The following RANBP3 variants were observed in gnomAD, a reference collection of about 807,000 sequenced individuals.
RANBP3 encodes ran-binding protein 3.
Under a neutral mutation model 77.3 loss-of-function variants are expected in RANBP3, and 14 were observed. The observed-to-expected ratio is 0.18, with a 90% CI of 0.12 to 0.28. The LOEUF is 0.28. Among genes scored for constraint, RANBP3 ranks in the 10% least tolerant of loss-of-function variants. The pLI, the probability that RANBP3 is intolerant of heterozygous loss-of-function variation, is 1.00. For missense variants in RANBP3, 586 were observed against 752.3 expected (o/e 0.78, Z 2.59); for synonymous variants, 315 against 312.4 (o/e 1.01, Z -0.09).
At chr19:5,974,785 C>A (rs2058570328) in intron 1 of RANBP3, among the ~76,000 whole-genome samples, 1 of 152,168 alleles carries the variant, frequency 6.6e-6, no homozygotes, top group South Asian at 2.1e-4. Context: ...CCAGAACCCA[C>A]CCAACACCAG....
chr19:5,952,116 C>T lies in RANBP3; in HGVS notation c.79-520G>A, dbSNP rs1201909704. On this transcript the variant is annotated intron_variant, in intron 2 of 16. Transcript: ENST00000340578. This position sits in a 1 kb window ranked among gnomAD's most constrained non-coding sequence, Gnocchi z 4.1. ...GCCGGGGTCAAGGGCTTCTGCCTCTCACTACAGTTCTTCTAGCACTTTCCA... is the reference window on the plus strand; with the variant it reads ...GCCGGGGTCAAGGGCTTCTGCCTCTTACTACAGTTCTTCTAGCACTTTCCA... Among the ~76,000 whole-genome samples, 1 of 152,170 alleles carries T rather than the reference C, an allele frequency of 6.6e-6. No homozygotes were observed. Among genetic ancestry groups the T allele is most frequent in the Non-Finnish European group, 1.5e-5 (1 of 68,036 alleles).
rs1371584928 is a variant in RANBP3 at position 5,917,935 on chromosome 19, G to A, written c.1519C>T (p.Arg507Cys). Residue 507 changes from arginine (R) to cysteine (C), a missense_variant, in exon 16 of 17, where the codon CGC (arginine) becomes TGC (cysteine). Physicochemically the swap from Arg to Cys is radical, Grantham distance 180. Around this residue, in one of 5 missense-constraint regions of RANBP3, gnomAD observed 128 missense variants for 157.0 expected, o/e 0.82. Transcript: ENST00000340578. ...ACGCGGCTGCGCAGGGCCAGGATGCGGTGGTGCAGGGCTGCATACAACTGA... is the reference window on the plus strand; with the variant it reads ...ACGCGGCTGCGCAGGGCCAGGATGCAGTGGTGCAGGGCTGCATACAACTGA... Reference protein sequence around the residue: ...TGQLYAALHHRILALRSRVEQ... With the variant: ...TGQLYAALHHCILALRSRVEQ... 6.2e-7 allele frequency: 1 copy of A among 1,611,976 alleles called. No individual in the cohort carries two copies. The highest frequency in any genetic ancestry group is 8.5e-7 in the Non-Finnish European group (1 of 1,179,320).
rs142589273 is a variant in RANBP3, at chr19:5,939,880, G to A, written c.406+1741C>T. ...TCCCTGCACCTCTGCAGGGGCAGCC[G>A]GCAGGGGAGATATCAGATGCTCCAG... is the stretch of plus-strand genomic sequence containing the variant. On this transcript the variant is annotated intron_variant, in intron 5 of 16. Transcript: ENST00000340578. Among the ~76,000 whole-genome samples the A allele has an allele frequency of 3.4e-4, 52 of 152,360 alleles. No homozygotes were observed. The East Asian group carries it at 8.5e-3, about 25-fold the overall frequency.
intron 1 of RANBP3, among the ~76,000 whole-genome samples, chr19:5,977,301 T>C (rs529171038): frequency 6.6e-6 from 1 of 152,112 alleles, no homozygotes; most frequent in East Asian, 1.9e-4. Flanking sequence ...TGGTGCCTTC[T>C]CGGGGGATCT....
intron 1 of RANBP3, among the ~76,000 whole-genome samples, chr19:5,976,112 A>G (rs2058588095): frequency 6.6e-6 from 1 of 152,190 alleles, no homozygotes; most frequent in South Asian, 2.1e-4. Flanking sequence ...AGTATGAGAA[A>G]GAGGGAAACC....
rs964934989 is a variant in RANBP3, at chr19:5,917,277, G to A, written c.*333C>T. The A allele has an allele frequency of 2.5e-5, 10 of 394,404 alleles. No homozygotes were observed. Among genetic ancestry groups the A allele is most frequent in the African/African-American group, 2.1e-4 (10 of 47,558 alleles). 24.4% of individuals were successfully genotyped at this position (394,404 alleles called of 1,614,324 possible). On this transcript the variant is annotated 3_prime_UTR_variant, in exon 17 of 17. Transcript: ENST00000340578. ...GCCAGGGGCTCTGGCTGGACCCAGA[G>A]GCTGGCGACACGCGGGGTGAAGGAA...
chr19:5,941,221 C>T (rs900508577), intron 5 of RANBP3, among the ~76,000 whole-genome samples: 4 of 152,214 alleles, frequency 2.6e-5, no homozygotes, highest in Non-Finnish European at 5.9e-5. Flanking sequence ...CTGGACTGCC[C>T]GTGCTGGGCA....
chr19:5,946,558 C>T (rs980024927), intron 3 of RANBP3, among the ~76,000 whole-genome samples: 14 of 152,208 alleles, frequency 9.2e-5, no homozygotes, highest in African/African-American at 3.4e-4. Context: ...CAACTCTCCA[C>T]TAAGACCCAG....
rs369575679 is a variant in RANBP3 at position 5,978,046 on chromosome 19, C to T, written c.22+15G>A. The T allele has an allele frequency of 6.2e-7, 1 of 1,609,814 alleles. No homozygotes were observed. On this transcript the variant is annotated intron_variant, in intron 1 of 16. Coordinates refer to ENST00000340578, the MANE Select transcript of RANBP3 (RefSeq NM_007322.3). ...TCCCCGGCCGCCAGCCGGTCCCCAA[C>T]GGCGCCTCCCCTACCTTCGTTCGCC...
Position 5,927,052 on chromosome 19 carries a change from C to T in RANBP3, c.813+916G>A, listed in dbSNP as rs148735975. ...TGGCATCCCTGACCTCCAGAAGTAC[C>T]TCCCAGTTGTGACAACCACAAAAGT... On this transcript the variant is annotated intron_variant, in intron 9 of 16. Coordinates refer to ENST00000340578, the MANE Select transcript of RANBP3 (RefSeq NM_007322.3). 3.7e-4 allele frequency among the ~76,000 whole-genome samples: 57 copies of T among 152,254 alleles called. No homozygotes were observed. The East Asian group carries it at 0.011, about 29-fold the overall frequency.
At position 5,925,756 on chromosome 19, in the gene RANBP3, G is replaced by A. The variant is rs568576818; in HGVS notation, c.814-19C>T. Reference sequence around the variant, plus strand: ...TTATCAGCTGGGAATGAGACGGAGCGCTCAGTAATCGGGGGTGGGGGGGTG... The same window carrying A: ...TTATCAGCTGGGAATGAGACGGAGCACTCAGTAATCGGGGGTGGGGGGGTG... On this transcript the variant is annotated intron_variant, in intron 9 of 16. Coordinates refer to ENST00000340578, the MANE Select transcript of RANBP3 (RefSeq NM_007322.3). The A allele has an allele frequency of 5.6e-6, 9 of 1,604,906 alleles. No homozygotes were observed. Among genetic ancestry groups the A allele is most frequent in the South Asian group, 2.2e-5 (2 of 90,880 alleles).
intron 1 of RANBP3, among the ~76,000 whole-genome samples, chr19:5,961,304 G>A (rs1018998252): frequency 2.0e-5 from 3 of 152,126 alleles, no homozygotes; most frequent in East Asian, 1.9e-4. Flanking sequence ...TTAGCCGGGC[G>A]TGGTGGCAGG....
At chr19:5,962,026 T>C (rs2058409452) in intron 1 of RANBP3, among the ~76,000 whole-genome samples, 1 of 152,054 alleles carries the variant, frequency 6.6e-6, no homozygotes, top group African/African-American at 2.4e-5. Flanking sequence ...GAGGCGTGCC[T>C]GCCCTGCTGC....
chr19:5,939,944 G>T (rs2058113856), intron 5 of RANBP3, among the ~76,000 whole-genome samples: 1 of 152,220 alleles, frequency 6.6e-6, no homozygotes, highest in African/African-American at 2.4e-5. Context: ...ACCTGTCAAG[G>T]CTTGTCCATG....
At chr19:5,950,093 G>C (rs1256819470) in intron 3 of RANBP3, among the ~76,000 whole-genome samples, 1 of 152,162 alleles carries the variant, frequency 6.6e-6, no homozygotes, top group Admixed American at 6.5e-5. Context: ...GACCAGAGGT[G>C]CAGTAACTCA....
intron 2 of RANBP3, 90 bp downstream of exon 2, chr19:5,957,827 GC>G: frequency 7.2e-7 from 1 of 1,393,738 alleles, no homozygotes; most frequent in Non-Finnish European, 1.0e-6. Flanking sequence ...GGCAGAAGTG[GC>G]CTTGGCAATG....
intron 2 of RANBP3, among the ~76,000 whole-genome samples, chr19:5,956,155 A>G (rs905918212): frequency 6.6e-6 from 1 of 152,310 alleles, no homozygotes; most frequent in East Asian, 1.9e-4. Context: ...AAACAAAACA[A>G]AAAAACACAG....
chr19:5,935,325 C>T (rs896159000), intron 5 of RANBP3, among the ~76,000 whole-genome samples: 3 of 152,338 alleles, frequency 2.0e-5, no homozygotes, highest in African/African-American at 7.2e-5. Flanking sequence ...TGGTGCCTCT[C>T]CCGTAACAGA....
intron 4 of RANBP3, 34 bp downstream of exon 4, chr19:5,941,765 T>A: frequency 6.2e-7 from 1 of 1,612,428 alleles, no homozygotes; most frequent in Non-Finnish European, 8.5e-7. Flanking sequence ...TCTTTAAAAC[T>A]GAAGATGGTC....
Sources: allele counts gnomAD v4.1 joint callset (sites outside exome capture counted in the v4.1 genomes callset), GRCh38; gene constraint gnomAD v4.1.1; regional missense constraint gnomAD v4.1.1; non-coding constraint Gnocchi (gnomAD v3.1); transcripts MANE v1.5; gene names NCBI Gene and HGNC (gene_info 2026-07-23, HGNC 2026-07-21).